The following CNTN4 variants were observed in gnomAD, a reference collection of about 807,000 sequenced individuals.
The protein encoded by CNTN4 is contactin-4.
In CNTN4, 77 loss-of-function variants were observed where a neutral mutation model predicts 122.5. That is an observed-to-expected ratio of 0.63 (90% CI 0.52 to 0.76). The LOEUF (loss-of-function observed/expected upper bound fraction) is 0.76. Ranked by LOEUF, CNTN4 falls within the 30% of genes least tolerant of loss-of-function variation. The pLI is 0.00. For synonymous variants in CNTN4, 512 were observed against 447.0 expected, an observed-to-expected ratio of 1.15 and a Z score of -1.83; for missense variants, 1,256 against 1,259.1, an observed-to-expected ratio of 1.00 and a Z score of 0.04.
At chr3:2,697,017 C>T (rs1516398) in intron 4 of CNTN4, among the ~76,000 whole-genome samples, 123,320 of 152,190 alleles carry the variant, frequency 0.81, 50,263 homozygotes, top group African/African-American at 0.89. Context: ...TATTCAGTTT[C>T]GTATATCACT....
chr3:2,620,090 T>G (rs1247117768), intron 4 of CNTN4, among the ~76,000 whole-genome samples: 1 of 152,224 alleles, frequency 6.6e-6, no homozygotes, highest in Non-Finnish European at 1.5e-5. Flanking sequence ...CATTTGATTA[T>G]ATTAAGATTC....
intron 5 of CNTN4, among the ~76,000 whole-genome samples, chr3:2,742,091 C>T (rs2149527757): frequency 6.6e-6 from 1 of 152,248 alleles, no homozygotes; most frequent in Non-Finnish European, 1.5e-5. Flanking sequence ...TATTTTCAGA[C>T]ACCTTTCTGC....
Position 2,462,895 on chromosome 3 carries a change from G to A in CNTN4, c.-88-108521G>A, listed in dbSNP as rs561747255. Among the ~76,000 whole-genome samples, 28 of 152,200 alleles carry A rather than the reference G, an allele frequency of 1.8e-4. 1 individual carries two copies. The South Asian group carries it at 4.1e-3, about 23-fold the overall frequency. ...AATAGTATCATTTCAGTATGGGACC[G>A]ATATAAAAATTATTAATGGGATATT... On this transcript the variant is annotated intron_variant, in intron 3 of 24. Transcript: ENST00000418658.
Position 2,316,969 on chromosome 3 carries a change from T to A in CNTN4, c.-144-22209T>A, listed in dbSNP as rs567485149. The stretch of plus-strand genomic sequence containing the variant: ...TTCCTCTAATTTCCCTTTTGTGACT[T>A]CATTTTCCTTCCCCCATGCCTTCCT... On this transcript the variant is annotated intron_variant, in intron 2 of 24. Transcript: ENST00000418658. Among the ~76,000 whole-genome samples, 9 of 152,326 alleles carry A rather than the reference T, an allele frequency of 5.9e-5. No homozygotes were observed. In the East Asian group the frequency reaches 1.7e-3, roughly 29 times the overall value.
At chr3:2,323,483 A>G (rs1400126314) in intron 2 of CNTN4, among the ~76,000 whole-genome samples, 2 of 152,178 alleles carry the variant, frequency 1.3e-5, no homozygotes, top group East Asian at 3.9e-4. Context: ...TTTTAGAAGT[A>G]TTTGTACAGA....
At chr3:2,761,239 G>T (rs775670334) in intron 6 of CNTN4, among the ~76,000 whole-genome samples, 1 of 152,144 alleles carries the variant, frequency 6.6e-6, no homozygotes, top group Non-Finnish European at 1.5e-5. Context: ...AGGTCTTTCA[G>T]TCTTCCTGTT....
intron 7 of CNTN4, among the ~76,000 whole-genome samples, chr3:2,828,888 C>G (rs932128955): frequency 4.5e-4 from 68 of 152,112 alleles, no homozygotes; most frequent in Non-Finnish European, 4.7e-4. Flanking sequence ...CAGGCATGAG[C>G]CACCACACCA....
At chr3:2,590,205 A>T (rs1347778042) in intron 4 of CNTN4, among the ~76,000 whole-genome samples, 1 of 152,140 alleles carries the variant, frequency 6.6e-6, no homozygotes, top group Non-Finnish European at 1.5e-5. Context: ...CTCCATGGAG[A>T]ATCCCAAGTG....
intron 2 of CNTN4, among the ~76,000 whole-genome samples, chr3:2,312,001 CTAAT>C (rs563623246): frequency 1.4e-4 from 22 of 151,734 alleles, no homozygotes; most frequent in Non-Finnish European, 1.9e-4. Flanking sequence ...ATGAATGAAA[CTAAT>C]TAAGAAAAAA....
intron 2 of CNTN4, among the ~76,000 whole-genome samples, chr3:2,331,072 A>T (rs1471990168): frequency 6.6e-6 from 1 of 152,040 alleles, no homozygotes; most frequent in East Asian, 1.9e-4. Flanking sequence ...ACTCTGGAAA[A>T]TTTCATTTTC....
chr3:2,733,033 G>GA (rs982507182), intron 4 of CNTN4, among the ~76,000 whole-genome samples: 2 of 152,246 alleles, frequency 1.3e-5, no homozygotes, highest in South Asian at 2.1e-4. Context: ...AAAATACACA[G>GA]AAAAAATATC....
chr3:2,187,509 G>A (rs947779327), intron 2 of CNTN4, among the ~76,000 whole-genome samples: 2 of 152,078 alleles, frequency 1.3e-5, no homozygotes, highest in Non-Finnish European at 2.9e-5. Context: ...GAGTCCCTTG[G>A]GGGCGTGATT....
In CNTN4 at chr3:2,470,827, A is replaced by C. The variant is rs138382226; in HGVS notation, c.-88-100589A>C. ...TCTGAAGCTGAACTGAGGAAAGTTTAATAAATCCAATGGTCAATCAATAGA... is the reference window on the plus strand; with the variant it reads ...TCTGAAGCTGAACTGAGGAAAGTTTCATAAATCCAATGGTCAATCAATAGA... On this transcript the variant is annotated intron_variant, in intron 3 of 24. Transcript: ENST00000418658. Among the ~76,000 whole-genome samples, 28 of 152,348 alleles carry C rather than the reference A, an allele frequency of 1.8e-4. No individual in the cohort carries two copies. The East Asian group carries it at 5.2e-3, about 28-fold the overall frequency.
At chr3:2,302,840 G>A (rs889111583) in intron 2 of CNTN4, among the ~76,000 whole-genome samples, 6 of 149,428 alleles carry the variant, frequency 4.0e-5, no homozygotes, top group African/African-American at 1.5e-4. Flanking sequence ...TTTGTACCTA[G>A]CAATGCCAAG....
intron 12 of CNTN4, among the ~76,000 whole-genome samples, chr3:2,919,997 C>T (rs1248424343): frequency 1.3e-5 from 2 of 151,988 alleles, no homozygotes; most frequent in Non-Finnish European, 2.9e-5. Context: ...AAATAAAAGG[C>T]CATACCTAAT....
chr3:2,236,935 G>A (rs1026671360), intron 2 of CNTN4, among the ~76,000 whole-genome samples: 3 of 152,262 alleles, frequency 2.0e-5, no homozygotes, highest in African/African-American at 7.2e-5. Flanking sequence ...GAAATGGGAA[G>A]GAACATGGCA....
intron 4 of CNTN4, among the ~76,000 whole-genome samples, chr3:2,722,270 C>T (rs2087908239): frequency 6.6e-6 from 1 of 152,176 alleles, no homozygotes; most frequent in African/African-American, 2.4e-5. Context: ...AATGTGAGCT[C>T]CTTGGACAGT....
intron 3 of CNTN4, among the ~76,000 whole-genome samples, chr3:2,368,994 G>C (rs552779848): frequency 1.3e-5 from 2 of 151,960 alleles, no homozygotes; most frequent in African/African-American, 2.4e-5. Flanking sequence ...GCAAGATCTC[G>C]GCTCCCTGCA....
rs575547215 is a variant in CNTN4 at position 2,194,426 on chromosome 3, A to G, written c.-145+93787A>G. ...GAGGAAACCATGATCGCGCCACTGC[A>G]CTCCAGCCTGGGTGACAGAGTGAGA... On this transcript the variant is annotated intron_variant, in intron 2 of 24. Coordinates refer to ENST00000418658, the MANE Select transcript of CNTN4 (RefSeq NM_175607.3). 5.9e-5 allele frequency among the ~76,000 whole-genome samples: 9 copies of G among 152,208 alleles called. No homozygotes were observed. The South Asian group carries it at 1.9e-3, about 32-fold the overall frequency.
Sources: gnomAD v4.1 joint callset for allele counts (sites outside exome capture counted in the v4.1 genomes callset) on GRCh38, gnomAD v4.1.1 for gene constraint, MANE v1.5 for transcripts, NCBI Gene and HGNC (gene_info 2026-07-23, HGNC 2026-07-21) for gene names.